The following NUP188 variants were observed in gnomAD, a reference collection of about 807,000 sequenced individuals.
The protein encoded by NUP188 is nucleoporin NUP188.
In NUP188, 97 loss-of-function variants were observed where a neutral mutation model predicts 223.0. That is an observed-to-expected ratio of 0.43 (90% confidence interval 0.37 to 0.51). NUP188 has a LOEUF of 0.51. NUP188 is among the 20% of genes least tolerant of loss of function. The pLI, the probability that NUP188 is intolerant of heterozygous loss-of-function variation, is 0.00. For synonymous variants in NUP188, 869 were observed against 828.0 expected, an observed-to-expected ratio of 1.05 and a Z score of -0.85; for missense variants, 1,947 against 2,175.6, an observed-to-expected ratio of 0.89 and a Z score of 2.09.
At chr9:128,951,315 A>G (rs1234339888) in intron 2 of NUP188, among the ~76,000 whole-genome samples, 1 of 151,662 alleles carries the variant, frequency 6.6e-6, no homozygotes, top group Non-Finnish European at 1.5e-5. Flanking sequence ...TCAAAAAAAA[A>G]AAAAAAAAAA....
At chr9:128,991,712 G>C (rs11506953) in intron 25 of NUP188, among the ~76,000 whole-genome samples, 1 of 143,278 alleles carries the variant, frequency 7.0e-6, no homozygotes, top group African/African-American at 2.6e-5. Context: ...GTGTGGCTGC[G>C]TGTGCCTGTA....
Position 129,002,827 on chromosome 9 carries a change from C to T in NUP188, c.4148C>T (p.Ala1383Val), listed in dbSNP as rs1842696138. The T allele has an allele frequency of 6.2e-7, 1 of 1,613,842 alleles. No homozygotes were observed. The highest frequency in any genetic ancestry group is 1.7e-5 in the Admixed American group (1 of 59,982). ...CTGTTTGTATCTTAGACACCTAGTGCCTCTCGGAAGTCCCTGGATGCCCCC... is the reference window on the plus strand; with the variant it reads ...CTGTTTGTATCTTAGACACCTAGTGTCTCTCGGAAGTCCCTGGATGCCCCC... ...STNGTAQTPS[A>V]SRKSLDAPSW... is the part of the protein sequence containing the mutation. The change falls in exon 37 of 44, where the codon GCC (alanine) becomes GTC (valine). Residue 1383 changes from alanine (A) to valine (V), a missense_variant. Ala to Val is a moderately conservative substitution (Grantham distance 64). Around this residue, in one of 3 missense-constraint regions of NUP188, gnomAD observed 905 missense variants for 990.6 expected, o/e 0.91. Coordinates refer to ENST00000372577, the MANE Select transcript of NUP188 (RefSeq NM_015354.3).
intron 13 of NUP188, 52 bp from the exon 14 acceptor site, chr9:128,980,554 T>G (rs1198710148): frequency 1.9e-6 from 3 of 1,558,528 alleles, no homozygotes; most frequent in Admixed American, 1.9e-5. Context: ...TTTGGAGAGA[T>G]GTTAATTTGT....
intron 2 of NUP188, among the ~76,000 whole-genome samples, chr9:128,949,867 G>C (rs983240566): frequency 5.3e-5 from 8 of 149,732 alleles, no homozygotes; most frequent in African/African-American, 2.0e-4. Context: ...GACCTCAGGT[G>C]ATCTACTTGC....
chr9:128,983,794 T>C (rs1233943789), intron 19 of NUP188, among the ~76,000 whole-genome samples: 1 of 151,904 alleles, frequency 6.6e-6, no homozygotes, highest in Non-Finnish European at 1.5e-5. Context: ...CACGCCCAGC[T>C]AATTTTTGTA....
At chr9:128,996,831 G>GAA (rs1039703689) in intron 30 of NUP188, among the ~76,000 whole-genome samples, 1 of 150,036 alleles carries the variant, frequency 6.7e-6, no homozygotes, top group African/African-American at 2.4e-5. Flanking sequence ...CAAAAGAAAA[G>GAA]AAAAAAAAAG....
chr9:128,970,896 C>T lies in NUP188; in HGVS notation c.1051C>T (p.Gln351Ter). Reference protein sequence around the residue: ...VVRKIGGTAIQLNVFQYLTRL... With the variant: ...VVRKIGGTAI Reference sequence around the variant, plus strand: ...CCGGAAGATAGGTGGCACAGCCATCCAGCTGAATGTGTTTCAGTACTTGAC... The same window carrying T: ...CCGGAAGATAGGTGGCACAGCCATCTAGCTGAATGTGTTTCAGTACTTGAC... Residue 351 changes from glutamine to a stop codon, truncating the protein, a stop_gained, in exon 11 of 44, where the codon CAG becomes TAG. Transcript: ENST00000372577. LOFTEE classifies it high-confidence loss of function. 6.2e-7 allele frequency: 1 copy of T among 1,614,098 alleles called. No homozygotes were observed. Among genetic ancestry groups the T allele is most frequent in the Non-Finnish European group, 8.5e-7 (1 of 1,180,022 alleles).
At chr9:129,006,449 C>G (rs1588299941) in intron 43 of NUP188, 53 bp from the exon 44 acceptor site, 1 of 1,612,302 alleles carries the variant, frequency 6.2e-7, no homozygotes, top group African/African-American at 1.3e-5. Flanking sequence ...CCCCAAGGGT[C>G]AGAACAGTAG....
chr9:128,972,798 A>G (rs549144085), intron 11 of NUP188, among the ~76,000 whole-genome samples: 15 of 151,944 alleles, frequency 9.9e-5, no homozygotes, highest in African/African-American at 2.9e-4. Context: ...AGCAGGCCCT[A>G]CTCGTTGTCA....
chr9:128,997,246 G>C (rs1402607130), intron 30 of NUP188, among the ~76,000 whole-genome samples: 1 of 152,134 alleles, frequency 6.6e-6, no homozygotes, highest in African/African-American at 2.4e-5. Flanking sequence ...ATATGTTCAT[G>C]AAAGAGGCAA....
chr9:128,948,958 C>G, intron 1 of NUP188: 1 of 361,814 alleles, frequency 2.8e-6, no homozygotes, highest in South Asian at 2.9e-5. Flanking sequence ...ATCTTCTGAC[C>G]TCATGATCCG....
rs367789605 is a variant in NUP188, at chr9:129,005,747, G to A, written c.4840G>A (p.Val1614Met). 7.6e-5 allele frequency: 122 copies of A among 1,613,726 alleles called. No homozygotes were observed. Among genetic ancestry groups the A allele is most frequent in the Non-Finnish European group, 9.8e-5 (116 of 1,179,898 alleles). Residue 1614 changes from valine to methionine, a missense_variant, in exon 41 of 44, where the codon GTG becomes ATG. This residue lies in a region of NUP188 where 905 missense variants were observed against 990.6 expected (regional missense o/e 0.91). Coordinates refer to ENST00000372577, the MANE Select transcript of NUP188 (RefSeq NM_015354.3). ...APSFGTLLATVNVALNMLGEL... is the reference protein window; with the variant it reads ...APSFGTLLATMNVALNMLGEL... ...CTCCTTCGGGACCCTTCTGGCCACAGTGAATGTGGCCCTCAACATGCTTGG... is the reference window on the plus strand; with the variant it reads ...CTCCTTCGGGACCCTTCTGGCCACAATGAATGTGGCCCTCAACATGCTTGG...
Position 128,979,288 on chromosome 9 carries a change from A to G in NUP188, c.1230A>G (p.Val410=), listed in dbSNP as rs1564558090. Residue 410 remains valine, a synonymous_variant, in exon 13 of 44, where the codon GTA becomes GTG. Coordinates refer to ENST00000372577, the MANE Select transcript of NUP188 (RefSeq NM_015354.3). ...ATATAATTGATACAGCATGTGAAGT[A>G]TTGGCCGACCCTTCTCTTCCGGAAC... ...QQDIIDTACE[V]LADPSLPELF... is the part of the protein sequence containing the mutation. 2 of 1,612,648 alleles carry G rather than the reference A, an allele frequency of 1.2e-6. No individual in the cohort carries two copies. The highest frequency in any genetic ancestry group is 2.7e-5 in the African/African-American group (2 of 75,008).
chr9:128,987,257 C>T (rs977563871), intron 22 of NUP188, among the ~76,000 whole-genome samples: 6 of 151,960 alleles, frequency 3.9e-5, no homozygotes, highest in African/African-American at 1.2e-4. Context: ...TTGGTTTTTT[C>T]CTCTTTCTGT....
At chr9:128,983,640 A>G in intron 19 of NUP188, 90 bp downstream of exon 19, 2 of 939,320 alleles carry the variant, frequency 2.1e-6, no homozygotes, top group South Asian at 3.0e-5. Flanking sequence ...TTTTATTTTT[A>G]TGTATTTGTT....
chr9:128,995,429 CAGA>C lies in NUP188; in HGVS notation c.3269_3271del (p.Glu1090del), dbSNP rs1446232162. On this transcript the variant is annotated inframe_deletion, in exon 30 of 44. Transcript: ENST00000372577. ...TCATTGGCAGTTCACGTGGCCGAAA[CAGA>C]AGGCAGCAGCTGCACCTCCTTGTTA... 2 of 1,613,940 alleles carry C rather than the reference CAGA, an allele frequency of 1.2e-6. No individual in the cohort carries two copies. The highest frequency in any genetic ancestry group is 2.2e-5 in the South Asian group (2 of 91,052).
At chr9:128,988,327 C>G in intron 24 of NUP188, 141 bp downstream of exon 24, 1 of 908,332 alleles carries the variant, frequency 1.1e-6, no homozygotes, top group Non-Finnish European at 1.7e-6. Context: ...TGATTACCAG[C>G]TCCTTTCCTG....
chr9:128,987,834 G>A, intron 23 of NUP188, 117 bp downstream of exon 23: 2 of 1,392,830 alleles, frequency 1.4e-6, no homozygotes, highest in Middle Eastern at 1.9e-4. Context: ...TTCTTCCTAG[G>A]ACATAGCCTT....
At position 129,001,671 on chromosome 9, in the gene NUP188, A is replaced by G; in HGVS notation, c.3986A>G (p.Asn1329Ser). The G allele has an allele frequency of 6.2e-7, 1 of 1,614,004 alleles. No homozygotes were observed. The highest frequency in any genetic ancestry group is 8.5e-7 in the Non-Finnish European group (1 of 1,179,964). Residue 1329 changes from asparagine to serine, a missense_variant, in exon 35 of 44, where the codon AAC (asparagine) becomes AGC (serine). Coordinates refer to ENST00000372577, the MANE Select transcript of NUP188 (RefSeq NM_015354.3). ...GAGGTGAGCCTTCGCATGAAGCAGA[A>G]CCTGCATTTCACTGAGGCCACATTG... ...TLEVSLRMKQNLHFTEATLHL... is the reference protein window; with the variant it reads ...TLEVSLRMKQSLHFTEATLHL...
Sources: allele counts gnomAD v4.1 joint callset (sites outside exome capture counted in the v4.1 genomes callset), GRCh38; gene constraint gnomAD v4.1.1; regional missense constraint gnomAD v4.1.1; transcripts MANE v1.5; gene names NCBI Gene and HGNC (gene_info 2026-07-23, HGNC 2026-07-21).